Variants in MECOM observed in about 807,000 individuals in gnomAD.
The protein encoded by MECOM is MDS1 and EVI1 complex locus, also known as histone-lysine N-methyltransferase MECOM.
In MECOM, 13 loss-of-function variants were observed where a neutral mutation model predicts 116.3. That is an observed-to-expected ratio of 0.11 (90% CI 0.07 to 0.18). MECOM has a LOEUF of 0.18. Among genes scored for constraint, MECOM ranks in the 10% least tolerant of loss-of-function variants. The pLI is 1.00. For missense variants in MECOM, 1,299 were observed against 1,509.0 expected (o/e 0.86, Z 2.31); for synonymous variants, 528 against 535.2 (o/e 0.99, Z 0.19).
At chr3:169,586,512 T>C (rs1291490910) in intron 1 of MECOM, among the ~76,000 whole-genome samples, 2 of 152,322 alleles carry the variant, frequency 1.3e-5, no homozygotes, top group African/African-American at 4.8e-5. Flanking sequence ...AGGTGATCAC[T>C]GATATTAAGG....
intron 2 of MECOM, among the ~76,000 whole-genome samples, chr3:169,318,979 A>G (rs1372161824): frequency 6.6e-6 from 1 of 151,892 alleles, no homozygotes; most frequent in Non-Finnish European, 1.5e-5. Flanking sequence ...GGTGCCTGTA[A>G]TCCCAGCTAC....
chr3:169,649,150 T>C (rs1204064675), intron 1 of MECOM, among the ~76,000 whole-genome samples: 1 of 152,126 alleles, frequency 6.6e-6, no homozygotes, highest in Non-Finnish European at 1.5e-5. Flanking sequence ...CAGACAAATG[T>C]GATAGGCAGA....
At chr3:169,528,592 C>A (rs1758216504) in intron 1 of MECOM, among the ~76,000 whole-genome samples, 1 of 152,156 alleles carries the variant, frequency 6.6e-6, no homozygotes, top group Non-Finnish European at 1.5e-5. Flanking sequence ...ATCTTGAAAT[C>A]TGATGATGTG....
intron 1 of MECOM, among the ~76,000 whole-genome samples, chr3:169,480,543 A>G (rs1022458009): frequency 2.6e-5 from 4 of 151,878 alleles, no homozygotes; most frequent in African/African-American, 9.7e-5. Context: ...CATTTATAAT[A>G]CCTCTTTACG....
chr3:169,466,855 C>A (rs1010370031), intron 1 of MECOM, among the ~76,000 whole-genome samples: 1 of 152,182 alleles, frequency 6.6e-6, no homozygotes, highest in Non-Finnish European at 1.5e-5. Flanking sequence ...ATTCAATTAG[C>A]CTCCAATTGA....
At chr3:169,451,449 T>C (rs762515781) in intron 1 of MECOM, among the ~76,000 whole-genome samples, 1 of 152,210 alleles carries the variant, frequency 6.6e-6, no homozygotes, top group African/African-American at 2.4e-5. Context: ...GGAAAGTAGA[T>C]AGAAAGCTCT....
At chr3:169,119,647 C>T (rs931290850) in intron 7 of MECOM, among the ~76,000 whole-genome samples, 1 of 151,770 alleles carries the variant, frequency 6.6e-6, no homozygotes, top group African/African-American at 2.4e-5. Context: ...ATAAAACTTA[C>T]CAAAATTTAT....
At chr3:169,261,348 T>A (rs1757511210) in intron 2 of MECOM, among the ~76,000 whole-genome samples, 1 of 152,188 alleles carries the variant, frequency 6.6e-6, no homozygotes. Flanking sequence ...GTGAGATGTT[T>A]ATAGTTCTGT....
intron 1 of MECOM, among the ~76,000 whole-genome samples, chr3:169,641,620 T>C (rs961994248): frequency 1.3e-5 from 2 of 152,234 alleles, no homozygotes; most frequent in Admixed American, 1.3e-4. Flanking sequence ...AATACCAATA[T>C]AAATGCCATT....
At chr3:169,553,618 C>A (rs1761668917) in intron 1 of MECOM, among the ~76,000 whole-genome samples, 2 of 152,198 alleles carry the variant, frequency 1.3e-5, no homozygotes, top group African/African-American at 2.4e-5. Flanking sequence ...TTACAAAATA[C>A]TTCACATGGG....
chr3:169,579,020 A>T lies in MECOM; in HGVS notation c.37+84316T>A, dbSNP rs35231290. The stretch of plus-strand genomic sequence containing the variant: ...ACAAATCCCAGCTGCACAACATTGT[A>T]TGTTAATAACCATTATTTAATTAAC... On this transcript the variant is annotated intron_variant, in intron 1 of 16. Coordinates refer to ENST00000651503, the MANE Select transcript of MECOM (RefSeq NM_004991.4). 7.6e-3 allele frequency among the ~76,000 whole-genome samples: 1,156 copies of T among 152,338 alleles called. 12 individuals carry two copies. Among genetic ancestry groups the T allele is most frequent in the African/African-American group, 0.021 (883 of 41,586 alleles).
intron 1 of MECOM, among the ~76,000 whole-genome samples, chr3:169,627,233 A>G (rs1376451919): frequency 6.6e-6 from 1 of 152,174 alleles, no homozygotes; most frequent in Non-Finnish European, 1.5e-5. Flanking sequence ...CTATGTCGTG[A>G]GGTTTGAAGG....
intron 2 of MECOM, among the ~76,000 whole-genome samples, chr3:169,232,772 T>C (rs1473498846): frequency 6.6e-6 from 1 of 152,114 alleles, no homozygotes; most frequent in African/African-American, 2.4e-5. Context: ...AACCACACCA[T>C]TCAAAGCTTC....
intron 1 of MECOM, among the ~76,000 whole-genome samples, chr3:169,533,578 T>C (rs1758927361): frequency 1.0e-5 from 1 of 95,508 alleles, no homozygotes; most frequent in East Asian, 4.3e-4. Flanking sequence ...CAGTGCTGAT[T>C]TTTTTTTTTT....
chr3:169,424,017 G>T (rs1740218750), intron 1 of MECOM, among the ~76,000 whole-genome samples: 1 of 152,086 alleles, frequency 6.6e-6, no homozygotes, highest in South Asian at 2.1e-4. Flanking sequence ...AGTCTAAGAT[G>T]CAACAAGCCA....
intron 2 of MECOM, among the ~76,000 whole-genome samples, chr3:169,321,578 C>T (rs1401238798): frequency 6.6e-6 from 1 of 151,990 alleles, no homozygotes; most frequent in African/African-American, 2.4e-5. Context: ...TTAACTGGTT[C>T]AATCTGATCA....
At chr3:169,600,788 G>A (rs1199424281) in intron 1 of MECOM, among the ~76,000 whole-genome samples, 1 of 152,140 alleles carries the variant, frequency 6.6e-6, no homozygotes, top group East Asian at 1.9e-4. Flanking sequence ...AAAATTTCAG[G>A]TGATTATTTT....
intron 2 of MECOM, among the ~76,000 whole-genome samples, chr3:169,221,401 A>C (rs532716943): frequency 6.6e-6 from 1 of 152,122 alleles, no homozygotes; most frequent in Non-Finnish European, 1.5e-5. Flanking sequence ...ACATACTTCT[A>C]TCTGGCTACA....
chr3:169,569,119 T>C (rs145117921), intron 1 of MECOM, among the ~76,000 whole-genome samples: 23,909 of 150,398 alleles, frequency 0.16, 2,276 homozygotes, highest in East Asian at 0.35. Flanking sequence ...AAGATACACA[T>C]AGGCTCAAAA....
Sources: gnomAD v4.1 joint callset for allele counts (sites outside exome capture counted in the v4.1 genomes callset) on GRCh38, gnomAD v4.1.1 for gene constraint, MANE v1.5 for transcripts, NCBI Gene and HGNC (gene_info 2026-07-23, HGNC 2026-07-21) for gene names.